EFNA5: variants seen among roughly 807,000 people sequenced by gnomAD.
The protein encoded by EFNA5 is ephrin-A5.
A neutral mutation model predicts 22.9 loss-of-function variants in EFNA5; 5 were observed. The ratio of observed to expected loss-of-function variants is 0.22; its 90% CI spans 0.11 to 0.46. The LOEUF (loss-of-function observed/expected upper bound fraction) is 0.46, where lower values mean the gene tolerates loss of function less well. EFNA5 is among the 20% of genes least tolerant of loss of function. EFNA5 has a pLI of 0.99. For missense variants in EFNA5, 237 were observed against 293.3 expected, an observed-to-expected ratio of 0.81 and a Z score of 1.40; for synonymous variants, 113 against 112.2, an observed-to-expected ratio of 1.01 and a Z score of -0.04.
chr5:107,410,623 T>C (rs1042994994), intron 2 of EFNA5, among the ~76,000 whole-genome samples: 1 of 152,174 alleles, frequency 6.6e-6, no homozygotes, highest in Non-Finnish European at 1.5e-5. Flanking sequence ...CTTTGAAGAA[T>C]TAACAATACA....
chr5:107,591,567 A>G (rs1411913192), intron 1 of EFNA5, among the ~76,000 whole-genome samples: 2 of 151,602 alleles, frequency 1.3e-5, no homozygotes, highest in African/African-American at 2.4e-5. Flanking sequence ...TCACACTGTA[A>G]TCCCAGCACT....
rs186744617 is a variant in EFNA5, at chr5:107,387,137, A to G, written c.565+98T>C. 5.3e-3 allele frequency: 4,153 copies of G among 784,372 alleles called. 21 individuals are homozygous for G. The highest frequency in any genetic ancestry group is 7.3e-3 in the Non-Finnish European group (3,613 of 491,822). 48.6% of individuals were successfully genotyped at this position (784,372 alleles called of 1,614,324 possible). A position where few individuals can be genotyped will look rare whatever the true frequency, so the allele number is the denominator to read the frequency against. On this transcript the variant is annotated intron_variant, in intron 4 of 4. Transcript: ENST00000333274. Reference sequence around the variant, plus strand: ...AATGAGCAAAAGCAGAACAACAACTATAACATGCAAACATGCAGAGAAGAA... The same window carrying G: ...AATGAGCAAAAGCAGAACAACAACTGTAACATGCAAACATGCAGAGAAGAA...
At chr5:107,565,050 T>C (rs2112480697) in intron 1 of EFNA5, among the ~76,000 whole-genome samples, 2 of 152,200 alleles carry the variant, frequency 1.3e-5, no homozygotes, top group South Asian at 4.1e-4. Context: ...CATTCCAAAA[T>C]AAAGCCATAA....
intron 1 of EFNA5, among the ~76,000 whole-genome samples, chr5:107,533,590 C>G (rs1747867968): frequency 6.6e-6 from 1 of 152,114 alleles, no homozygotes. Flanking sequence ...GAAGGTCTAC[C>G]TAATCTTGCC....
At chr5:107,482,775 T>TA (rs1448209709) in intron 1 of EFNA5, among the ~76,000 whole-genome samples, 1 of 151,616 alleles carries the variant, frequency 6.6e-6, no homozygotes, top group East Asian at 1.9e-4. Flanking sequence ...TCTCCCTCTG[T>TA]AACCTCTTTC....
intron 1 of EFNA5, among the ~76,000 whole-genome samples, chr5:107,599,332 TA>T (rs1384649444): frequency 3.3e-5 from 5 of 152,198 alleles, no homozygotes; most frequent in South Asian, 2.1e-4. Flanking sequence ...ATTTCCAATT[TA>T]AAAAGCAAGA....
chr5:107,426,763 T>C (rs1251472098), intron 2 of EFNA5, among the ~76,000 whole-genome samples: 4 of 152,198 alleles, frequency 2.6e-5, no homozygotes, highest in African/African-American at 9.6e-5. Flanking sequence ...AAGAGAGTAT[T>C]TATCGTCAAC....
In EFNA5 at chr5:107,585,131, G is replaced by A. The variant is rs866859265; in HGVS notation, c.125+85358C>T. 2.0e-5 allele frequency among the ~76,000 whole-genome samples: 3 copies of A among 152,166 alleles called. 1 individual carries two copies. The highest frequency in any genetic ancestry group is 7.2e-5 in the African/African-American group (3 of 41,434). On this transcript the variant is annotated intron_variant, in intron 1 of 4. Coordinates refer to ENST00000333274, the MANE Select transcript of EFNA5 (RefSeq NM_001962.3). ...CTGGGAATAAATCCCTTCCATTCCT[G>A]CAATGGATGGGGATAAAAGTGGAAT... is the stretch of plus-strand genomic sequence containing the variant.
intron 4 of EFNA5, among the ~76,000 whole-genome samples, chr5:107,382,492 C>T (rs1016947538): frequency 2.6e-5 from 4 of 152,164 alleles, no homozygotes; most frequent in Non-Finnish European, 5.9e-5. Context: ...CCTGCCTCAA[C>T]CTCCCGAGTA....
At chr5:107,417,491 G>T (rs1470744527) in intron 2 of EFNA5, among the ~76,000 whole-genome samples, 2 of 152,082 alleles carry the variant, frequency 1.3e-5, no homozygotes, top group Non-Finnish European at 2.9e-5. Flanking sequence ...ATTAAACAGA[G>T]GTAAGCCATA....
At chr5:107,555,615 A>G (rs1748393983) in intron 1 of EFNA5, among the ~76,000 whole-genome samples, 1 of 152,228 alleles carries the variant, frequency 6.6e-6, no homozygotes, top group African/African-American at 2.4e-5. Flanking sequence ...GTGACAGAAG[A>G]AAGGAATGCA....
intron 2 of EFNA5, among the ~76,000 whole-genome samples, chr5:107,420,752 C>A (rs1040386905): frequency 6.6e-6 from 1 of 151,808 alleles, no homozygotes; most frequent in African/African-American, 2.4e-5. Context: ...GGTTTTTTGC[C>A]ATATGTGGTT....
At chr5:107,530,503 C>A (rs1473617792) in intron 1 of EFNA5, among the ~76,000 whole-genome samples, 2 of 152,216 alleles carry the variant, frequency 1.3e-5, no homozygotes, top group Non-Finnish European at 2.9e-5. Flanking sequence ...GTTATCTCCA[C>A]TACAGAAACA....
chr5:107,459,893 A>G (rs1749789597), intron 1 of EFNA5, among the ~76,000 whole-genome samples: 1 of 152,132 alleles, frequency 6.6e-6, no homozygotes, highest in Non-Finnish European at 1.5e-5. Context: ...TTGCCAACAA[A>G]CAGCAGGGTC....
chr5:107,668,998 T>G (rs907056842), intron 1 of EFNA5, among the ~76,000 whole-genome samples: 1 of 151,984 alleles, frequency 6.6e-6, no homozygotes, highest in African/African-American at 2.4e-5. Context: ...AGCGGTTCAT[T>G]TAGGACTTGG....
intron 1 of EFNA5, among the ~76,000 whole-genome samples, chr5:107,510,837 G>A (rs552882890): frequency 2.2e-4 from 33 of 152,276 alleles, no homozygotes; most frequent in African/African-American, 7.5e-4. Context: ...ATGACAACGA[G>A]CTACCTACTC....
At chr5:107,433,077 C>A (rs1022636066) in intron 1 of EFNA5, among the ~76,000 whole-genome samples, 2 of 152,056 alleles carry the variant, frequency 1.3e-5, no homozygotes, top group Non-Finnish European at 2.9e-5. Flanking sequence ...ATGTTAATGG[C>A]AAGGCTTCCA....
chr5:107,394,814 T>C (rs1747878141), intron 2 of EFNA5, among the ~76,000 whole-genome samples: 1 of 152,174 alleles, frequency 6.6e-6, no homozygotes, highest in African/African-American at 2.4e-5. Context: ...AATACTCCAA[T>C]AGCACACTAA....
intron 1 of EFNA5, among the ~76,000 whole-genome samples, chr5:107,565,795 A>C (rs1748653684): frequency 6.6e-6 from 1 of 152,264 alleles, no homozygotes. Flanking sequence ...ATAAATCACA[A>C]AATAGCTGAG....
Sources: gnomAD v4.1 joint callset for allele counts (sites outside exome capture counted in the v4.1 genomes callset) on GRCh38, gnomAD v4.1.1 for gene constraint, MANE v1.5 for transcripts, NCBI Gene and HGNC (gene_info 2026-07-23, HGNC 2026-07-21) for gene names.